LAMA3: variants seen among roughly 807,000 people sequenced by gnomAD.
The protein encoded by LAMA3 is laminin subunit alpha-3.
A neutral mutation model predicts 402.0 loss-of-function variants in LAMA3; 281 were observed. That is an observed-to-expected ratio of 0.70 (90% CI 0.63 to 0.77). The LOEUF is 0.77. Ranked by LOEUF, LAMA3 falls within the 30% of genes least tolerant of loss-of-function variation. The pLI is 0.00. For missense variants in LAMA3, 3,840 were observed against 4,215.5 expected, an observed-to-expected ratio of 0.91 and a Z score of 2.47; for synonymous variants, 1,431 against 1,558.4, an observed-to-expected ratio of 0.92 and a Z score of 1.93.
intron 2 of LAMA3, among the ~76,000 whole-genome samples, chr18:23,743,829 AC>A (rs1318199045): frequency 6.6e-6 from 1 of 151,996 alleles, no homozygotes; most frequent in African/African-American, 2.4e-5. Flanking sequence ...CTTATCTCTG[AC>A]CCCCAAATAC....
chr18:23,752,381 T>C (rs1279842065), intron 5 of LAMA3, among the ~76,000 whole-genome samples: 2 of 152,214 alleles, frequency 1.3e-5, no homozygotes, highest in Non-Finnish European at 2.9e-5. Context: ...TGTATATTAC[T>C]TTTCACTTAG....
At chr18:23,836,599 G>A (rs775995198) in intron 24 of LAMA3, among the ~76,000 whole-genome samples, 2 of 152,154 alleles carry the variant, frequency 1.3e-5, no homozygotes, top group African/African-American at 2.4e-5. Flanking sequence ...CTGTCTTGGC[G>A]TGGGATGGTG....
At chr18:23,887,788 C>G (rs2080489916) in intron 41 of LAMA3, among the ~76,000 whole-genome samples, 1 of 152,206 alleles carries the variant, frequency 6.6e-6, no homozygotes, top group South Asian at 2.1e-4. Context: ...GCTCTTACCC[C>G]TCTTCTCCCT....
chr18:23,872,931 C>T (rs981136980), intron 38 of LAMA3: 5 of 1,382,448 alleles, frequency 3.6e-6, no homozygotes, highest in African/African-American at 1.4e-5. Flanking sequence ...GGGCCCCTGC[C>T]GCAGACAGCC....
chr18:23,766,555 TG>T (rs1319036577), intron 8 of LAMA3, among the ~76,000 whole-genome samples: 1 of 152,126 alleles, frequency 6.6e-6, no homozygotes, highest in Non-Finnish European at 1.5e-5. Context: ...AACAAATTCT[TG>T]GCTGGGCGTG....
Position 23,857,978 on chromosome 18 carries a change from G to T in LAMA3, c.4271G>T (p.Cys1424Phe), listed in dbSNP as rs769476414. Residue 1424 changes from cysteine (C) to phenylalanine (F), a missense_variant, in exon 33 of 75, where the codon TGC (cysteine) becomes TTC (phenylalanine). Physicochemically the swap from Cys to Phe is radical, Grantham distance 205. This residue lies in a region of LAMA3 where 2,109 missense variants were observed against 2,376.0 expected (regional missense o/e 0.89). Coordinates refer to ENST00000313654, the MANE Select transcript of LAMA3 (RefSeq NM_198129.4). ...PGVCDPGTGA[C>F]LCKENVEGTE... ...GTGTGTGACCCAGGGACCGGGGCTT[G>T]CCTCTGCAAGGTAAGAGAGATCGTG... 2 of 1,614,188 alleles carry T rather than the reference G, an allele frequency of 1.2e-6. No individual in the cohort carries two copies. The highest frequency in any genetic ancestry group is 2.2e-5 in the South Asian group (2 of 91,082).
chr18:23,777,721 T>C, intron 11 of LAMA3, 102 bp downstream of exon 11: 1 of 896,484 alleles, frequency 1.1e-6, no homozygotes, highest in African/African-American at 1.6e-5. Context: ...AAGTCTCCCT[T>C]CCTAGAGCAT....
intron 73 of LAMA3, among the ~76,000 whole-genome samples, chr18:23,952,288 T>C (rs1425555531): frequency 6.6e-6 from 1 of 152,252 alleles, no homozygotes; most frequent in African/African-American, 2.4e-5. Context: ...GTAGTCAGTG[T>C]TCAGTAAGTA....
chr18:23,818,074 G>A (rs1049552923), intron 18 of LAMA3, among the ~76,000 whole-genome samples: 1 of 152,178 alleles, frequency 6.6e-6, no homozygotes, highest in Non-Finnish European at 1.5e-5. Flanking sequence ...AGAATTGCTT[G>A]AACCTGGGAG....
chr18:23,954,512 C>T lies in LAMA3; in HGVS notation c.9866C>T (p.Thr3289Met), dbSNP rs762904852. ...LHLGGAPANL[T>M]TLRIPVWKSF... ...CCACTTTCTCTTTCAGCCAATTTGA[C>T]GACACTGAGGATCCCTGTGTGGAAA... The change falls in exon 75 of 75, where the codon ACG becomes ATG. Residue 3289 changes from threonine (T) to methionine (M), a missense_variant. Physicochemically the swap from Thr to Met is moderately conservative, Grantham distance 81. This residue lies in a region of LAMA3 where 840 missense variants were observed against 981.9 expected (regional missense o/e 0.86). Transcript: ENST00000313654. 4.7e-5 allele frequency: 76 copies of T among 1,613,326 alleles called. No individual in the cohort carries two copies. Among genetic ancestry groups the T allele is most frequent in the South Asian group, 2.9e-4 (26 of 91,048 alleles).
intron 1 of LAMA3, among the ~76,000 whole-genome samples, chr18:23,713,340 T>TA (rs1161067011): frequency 6.6e-6 from 1 of 152,200 alleles, no homozygotes; most frequent in Non-Finnish European, 1.5e-5. Flanking sequence ...CACTGCCACT[T>TA]ACCAAAGTCC....
In LAMA3 at chr18:23,909,234, T is replaced by A. The variant is rs930132794; in HGVS notation, c.7097T>A (p.Ile2366Asn). Reference protein sequence around the residue: ...INQQLLPLGNISDNMDRIREL... With the variant: ...INQQLLPLGNNSDNMDRIREL... ...CAACAGCTGTTGCCCTTGGGAAACA[T>A]CTCTGACAACATGGACAGAATACGA... The change falls in exon 55 of 75, where the codon ATC becomes AAC. Residue 2366 changes from isoleucine to asparagine, a missense_variant. Around this residue, in one of 3 missense-constraint regions of LAMA3, gnomAD observed 891 missense variants for 857.5 expected, o/e 1.04. Transcript: ENST00000313654. The A allele has an allele frequency of 6.2e-7, 1 of 1,613,854 alleles. No homozygotes were observed.
chr18:23,881,675 G>A (rs184218176), intron 39 of LAMA3, among the ~76,000 whole-genome samples: 1 of 152,282 alleles, frequency 6.6e-6, no homozygotes, highest in African/African-American at 2.4e-5. Flanking sequence ...TGCTGGAGTG[G>A]GATGGGGACT....
intron 62 of LAMA3, among the ~76,000 whole-genome samples, chr18:23,923,822 C>T (rs2081922694): frequency 1.3e-5 from 2 of 152,136 alleles, no homozygotes; most frequent in Admixed American, 1.3e-4. Flanking sequence ...CACAAGGCCC[C>T]TAGACAGTGA....
At chr18:23,719,355 A>C (rs1196985701) in intron 2 of LAMA3, among the ~76,000 whole-genome samples, 1 of 152,202 alleles carries the variant, frequency 6.6e-6, no homozygotes, top group Non-Finnish European at 1.5e-5. Flanking sequence ...AAATAAGGAA[A>C]GGAAGCCTAG....
intron 2 of LAMA3, among the ~76,000 whole-genome samples, chr18:23,735,450 T>C (rs1231039653): frequency 6.6e-6 from 1 of 152,212 alleles, no homozygotes; most frequent in African/African-American, 2.4e-5. Context: ...TCTTCGTTCC[T>C]AGCGTGTTGT....
rs763731319 is a variant in LAMA3 at position 23,816,467 on chromosome 18, C to T, written c.2127C>T (p.Val709=). The T allele has an allele frequency of 5.6e-6, 9 of 1,613,782 alleles. No homozygotes were observed. Among genetic ancestry groups the T allele is most frequent in the South Asian group, 3.3e-5 (3 of 91,072 alleles). ...PSGVCQCREH[V]VGKVCQRPEN... ...GAGTGTGCCAGTGCCGAGAGCATGT[C>T]GTGGGAAAGGTGTGCCAGCGGTGAG... Residue 709 remains valine (V), a synonymous_variant, in exon 18 of 75, where the codon GTC becomes GTT. Coordinates refer to ENST00000313654, the MANE Select transcript of LAMA3 (RefSeq NM_198129.4).
chr18:23,894,280 G>A lies in LAMA3; in HGVS notation c.5411-18G>A. 1 of 1,599,522 alleles carries A rather than the reference G, an allele frequency of 6.3e-7. No homozygotes were observed. The highest frequency in any genetic ancestry group is 8.6e-7 in the Non-Finnish European group (1 of 1,166,734). ...AAGTTTAATAACTATGTCTTCTTTG[G>A]TTATTTTCTGATTTTAGACTGCATA... On this transcript the variant is annotated intron_variant, in intron 42 of 74. Transcript: ENST00000313654.
chr18:23,858,652 A>C (rs1255661843), intron 33 of LAMA3, 37 bp from the exon 34 acceptor site: 1 of 1,613,344 alleles, frequency 6.2e-7, no homozygotes, highest in East Asian at 2.2e-5. Context: ...GAAATTTTGG[A>C]ACACGTGATC....
Sources: allele counts gnomAD v4.1 joint callset (sites outside exome capture counted in the v4.1 genomes callset), GRCh38; gene constraint gnomAD v4.1.1; regional missense constraint gnomAD v4.1.1; transcripts MANE v1.5; gene names NCBI Gene and HGNC (gene_info 2026-07-23, HGNC 2026-07-21).